The following XPO4 variants were observed in gnomAD, a reference collection of about 807,000 sequenced individuals.
XPO4 encodes exportin-4.
A neutral mutation model predicts 143.0 loss-of-function variants in XPO4; 39 were observed. That is an observed-to-expected ratio of 0.27 (90% CI 0.21 to 0.36). The LOEUF (loss-of-function observed/expected upper bound fraction) is 0.36, where lower values mean the gene tolerates loss of function less well. Among genes scored for constraint, XPO4 ranks in the 10% least tolerant of loss-of-function variants. The probability of loss-of-function intolerance (pLI) is 1.00; values close to 1 mark genes in which losing one functional copy is unlikely to be tolerated. For synonymous variants in XPO4, 439 were observed against 474.0 expected, an observed-to-expected ratio of 0.93 and a Z score of 0.96; for missense variants, 907 against 1,348.0, an observed-to-expected ratio of 0.67 and a Z score of 5.12.
intron 6 of XPO4, among the ~76,000 whole-genome samples, chr13:20,837,304 A>G (rs533423007): frequency 7.4e-4 from 113 of 152,284 alleles, no homozygotes; most frequent in African/African-American, 2.7e-3. Flanking sequence ...TGACAATCCA[A>G]ATTGTCTCAA....
rs182532391 is a variant in XPO4 at position 20,807,291 on chromosome 13, T to C, written c.1817+166A>G. On this transcript the variant is annotated intron_variant, in intron 13 of 22. Transcript: ENST00000255305. ...TCACTAGAGTGGCACTGCCTAAATA[T>C]ACTGAGTACTTGCCATCCTTGTGTA... 1.9e-4 allele frequency among the ~76,000 whole-genome samples: 29 copies of C among 152,322 alleles called. No individual in the cohort carries two copies. In the South Asian group the frequency reaches 3.5e-3, roughly 18 times the overall value.
rs1163866094 is a variant in XPO4 at position 20,869,596 on chromosome 13, AAC to A, written c.70-897_70-896del. 3 of 785,642 alleles carry A rather than the reference AAC, an allele frequency of 3.8e-6. No individual in the cohort carries two copies. In the African/African-American group the frequency reaches 5.6e-5, roughly 15 times the overall value. 48.7% of individuals were successfully genotyped at this position (785,642 alleles called of 1,614,324 possible). On this transcript the variant is annotated intron_variant, in intron 1 of 22. Transcript: ENST00000255305. ...ATGTTACAATCAATTATATTAGATCAACACTCATTATAAATTATATCAATTAT... is the reference window on the plus strand; with the variant it reads ...ATGTTACAATCAATTATATTAGATCAACTCATTATAAATTATATCAATTAT...
chr13:20,868,265 A>G lies in XPO4; in HGVS notation c.175+331T>C, dbSNP rs150323999. 4.3e-3 allele frequency: 718 copies of G among 166,294 alleles called. 2 individuals carry two copies. Among genetic ancestry groups the G allele is most frequent in the Non-Finnish European group, 6.9e-3 (533 of 77,606 alleles). 10.3% of individuals were successfully genotyped at this position (166,294 alleles called of 1,614,324 possible). ...AACTAAGACTGGGCTAAAAGATACT[A>G]TAGTACATACCCTGTAATAAATGAC... On this transcript the variant is annotated intron_variant, in intron 2 of 22. Coordinates refer to ENST00000255305, the MANE Select transcript of XPO4 (RefSeq NM_022459.5).
intron 4 of XPO4, chr13:20,852,319 G>A (rs1044531271): frequency 1.0e-6 from 1 of 985,352 alleles, no homozygotes; most frequent in African/African-American, 1.7e-5. Flanking sequence ...AGTGCAACTT[G>A]ATTCAGGGCA....
At chr13:20,848,555 A>C in intron 4 of XPO4, 1 of 985,402 alleles carries the variant, frequency 1.0e-6, no homozygotes, top group Non-Finnish European at 1.2e-6. Context: ...GAAAATGACA[A>C]CCACCTATTT....
intron 19 of XPO4, 104 bp from the exon 20 acceptor site, chr13:20,788,720 T>C: frequency 6.0e-6 from 7 of 1,165,956 alleles, no homozygotes; most frequent in Non-Finnish European, 7.1e-6. Flanking sequence ...AATATAATGA[T>C]TTCTTTAAAA....
chr13:20,867,843 T>C (rs2060258362), intron 2 of XPO4, among the ~76,000 whole-genome samples: 1 of 152,142 alleles, frequency 6.6e-6, no homozygotes, highest in Non-Finnish European at 1.5e-5. Flanking sequence ...TTACAAAAGA[T>C]GGCTCCCACT....
chr13:20,840,609 T>C (rs866661247), intron 6 of XPO4, among the ~76,000 whole-genome samples: 2 of 152,242 alleles, frequency 1.3e-5, no homozygotes, highest in Middle Eastern at 3.2e-3. Context: ...AATTATTCCA[T>C]TCTTTTCCTT....
At chr13:20,786,519 A>G (rs1372295289) in intron 22 of XPO4, among the ~76,000 whole-genome samples, 5 of 152,134 alleles carry the variant, frequency 3.3e-5, no homozygotes, top group South Asian at 2.1e-4. Flanking sequence ...AATCTTTAAA[A>G]GATCAACAAA....
chr13:20,799,431 A>T (rs1170437789), intron 15 of XPO4, 92 bp from the exon 16 acceptor site: 2 of 1,162,082 alleles, frequency 1.7e-6, no homozygotes, highest in Non-Finnish European at 2.3e-6. Flanking sequence ...AAAATAAAAA[A>T]TAACTAGATT....
At chr13:20,850,522 A>G (rs116072482) in intron 4 of XPO4, among the ~76,000 whole-genome samples, 1,550 of 152,268 alleles carry the variant, frequency 0.01, 31 homozygotes, top group African/African-American at 0.035. Flanking sequence ...GCTCACACCT[A>G]TAAGGCTGAA....
chr13:20,821,963 G>A (rs764608530), intron 8 of XPO4, 85 bp from the exon 9 acceptor site: 87 of 1,399,556 alleles, frequency 6.2e-5, no homozygotes, highest in South Asian at 6.2e-5. Context: ...AGCAAATATC[G>A]TTACTGATTC....
intron 19 of XPO4, among the ~76,000 whole-genome samples, chr13:20,790,226 G>A (rs779103414): frequency 6.6e-5 from 10 of 152,120 alleles, no homozygotes; most frequent in Non-Finnish European, 1.0e-4. Context: ...CTGACAAAAC[G>A]AGTCACTAAT....
At chr13:20,840,175 T>C (rs1183803197) in intron 6 of XPO4, among the ~76,000 whole-genome samples, 4 of 152,092 alleles carry the variant, frequency 2.6e-5, no homozygotes, top group Non-Finnish European at 5.9e-5. Context: ...TTATTATTTG[T>C]CTATCCTAAG....
At chr13:20,791,046 AAAG>A (rs1566557717) in intron 18 of XPO4, among the ~76,000 whole-genome samples, 1 of 151,954 alleles carries the variant, frequency 6.6e-6, no homozygotes, top group Admixed American at 6.6e-5. Context: ...GTTACATAAA[AAAG>A]AAAGTAGTTT....
At chr13:20,799,036 A>AT in intron 16 of XPO4, 129 bp downstream of exon 16, 9 of 906,868 alleles carry the variant, frequency 9.9e-6, no homozygotes, top group South Asian at 3.0e-5. Context: ...AAAAAAAAAA[A>AT]GAAAGAAAGA....
At chr13:20,852,415 C>T (rs1422576318) in intron 4 of XPO4, 1 of 985,312 alleles carries the variant, frequency 1.0e-6, no homozygotes, top group Non-Finnish European at 1.2e-6. Context: ...TCCACCACTT[C>T]TTTTTCCCCA....
At chr13:20,891,042 G>T (rs185108325) in intron 1 of XPO4, among the ~76,000 whole-genome samples, 1 of 147,762 alleles carries the variant, frequency 6.8e-6, no homozygotes, top group Non-Finnish European at 1.5e-5. Flanking sequence ...GCTTGAATCC[G>T]AGAGGTGGAG....
intron 22 of XPO4, among the ~76,000 whole-genome samples, chr13:20,784,703 G>A (rs2059179349): frequency 6.6e-6 from 1 of 152,214 alleles, no homozygotes; most frequent in Admixed American, 6.5e-5. Flanking sequence ...AGCACTTTGG[G>A]AGGCTGAGGA....
Sources: gnomAD v4.1 joint callset for allele counts (sites outside exome capture counted in the v4.1 genomes callset) on GRCh38, gnomAD v4.1.1 for gene constraint, MANE v1.5 for transcripts, NCBI Gene and HGNC (gene_info 2026-07-23, HGNC 2026-07-21) for gene names.